Variants in PPIG observed in about 807,000 individuals in gnomAD.
PPIG encodes peptidylprolyl isomerase G, also known as peptidyl-prolyl cis-trans isomerase G.
Under a neutral mutation model 87.9 loss-of-function variants are expected in PPIG, and 26 were observed. The observed-to-expected ratio is 0.30, with a 90% CI of 0.22 to 0.41. The LOEUF (loss-of-function observed/expected upper bound fraction) is 0.41, where lower values mean the gene tolerates loss of function less well. Among genes scored for constraint, PPIG ranks in the 10% least tolerant of loss-of-function variants. PPIG has a pLI of 1.00. For synonymous variants in PPIG, 308 were observed against 276.5 expected (o/e 1.11, Z -1.13); for missense variants, 722 against 879.4 (o/e 0.82, Z 2.26).
intron 9 of PPIG, among the ~76,000 whole-genome samples, chr2:169,630,092 A>G (rs985929157): frequency 1.3e-5 from 2 of 150,658 alleles, no homozygotes; most frequent in Admixed American, 6.6e-5. Flanking sequence ...TTGTTATGTT[A>G]CACCTTCTAG....
chr2:169,630,876 C>T lies in PPIG; in HGVS notation c.650C>T (p.Ser217Phe), dbSNP rs1686029190. 6.2e-7 allele frequency: 1 copy of T among 1,612,250 alleles called. No individual in the cohort carries two copies. The highest frequency in any genetic ancestry group is 8.5e-7 in the Non-Finnish European group (1 of 1,179,288). The change falls in exon 10 of 14, where the codon TCT becomes TTT. Residue 217 changes from serine (S) to phenylalanine (F), a missense_variant. By Grantham distance (155) the Ser-to-Phe change is radical (BLOSUM62 -2). Around this residue, in one of 4 missense-constraint regions of PPIG, gnomAD observed 142 missense variants for 152.8 expected, o/e 0.93. Transcript: ENST00000260970. ...GATTCTCAGTCCTCTTCTGATTCCT[C>T]TGATTCCGAAAGTGCTACTGAAGAG... Reference protein sequence around the residue: ...SSDSQSSSDSSDSESATEEKS... With the variant: ...SSDSQSSSDSFDSESATEEKS...
At chr2:169,599,054 G>A (rs1685104791) in intron 1 of PPIG, among the ~76,000 whole-genome samples, 2 of 152,034 alleles carry the variant, frequency 1.3e-5, no homozygotes. Context: ...GTGTAAGGAT[G>A]TACATAAAGT....
intron 7 of PPIG, among the ~76,000 whole-genome samples, chr2:169,613,374 A>G (rs1364355379): frequency 2.0e-5 from 3 of 152,204 alleles, no homozygotes; most frequent in Non-Finnish European, 4.4e-5. Context: ...AAAGATTAGC[A>G]TAAATTATGC....
intron 1 of PPIG, among the ~76,000 whole-genome samples, chr2:169,588,109 G>T (rs1684756901): frequency 6.6e-6 from 1 of 151,722 alleles, no homozygotes; most frequent in African/African-American, 2.4e-5. Context: ...AGGTTGCAGT[G>T]ATCCGAGATC....
chr2:169,598,023 C>T (rs1336246238), intron 1 of PPIG, among the ~76,000 whole-genome samples: 3 of 144,878 alleles, frequency 2.1e-5, no homozygotes, highest in African/African-American at 7.6e-5. Flanking sequence ...TTTTTTGATA[C>T]AGGGTCCCAC....
chr2:169,606,236 C>G, intron 5 of PPIG, 90 bp downstream of exon 5: 2 of 890,070 alleles, frequency 2.2e-6, no homozygotes, highest in Admixed American at 4.1e-5. Context: ...GTCCAATATT[C>G]TTGTCACTCT....
chr2:169,619,065 T>G (rs1574456451), intron 9 of PPIG, among the ~76,000 whole-genome samples: 1 of 152,230 alleles, frequency 6.6e-6, no homozygotes, highest in Non-Finnish European at 1.5e-5. Flanking sequence ...TCCCAGAGAT[T>G]CTGGTACGTT....
intron 9 of PPIG, among the ~76,000 whole-genome samples, chr2:169,615,036 G>GT (rs376354668): frequency 0.029 from 4,281 of 147,204 alleles, 99 homozygotes; most frequent in African/African-American, 0.06. Context: ...GTGGTTTTGG[G>GT]TTTTTTTTTT....
At chr2:169,590,461 A>G (rs1472627486) in intron 1 of PPIG, among the ~76,000 whole-genome samples, 1 of 152,112 alleles carries the variant, frequency 6.6e-6, no homozygotes, top group African/African-American at 2.4e-5. Flanking sequence ...TAACACGGTG[A>G]AACCCCATCT....
chr2:169,614,321 A>AAT, intron 7 of PPIG, 143 bp from the exon 8 acceptor site: 1 of 727,802 alleles, frequency 1.4e-6, no homozygotes, highest in Non-Finnish European at 2.3e-6. Context: ...AGATTGAGGT[A>AAT]ATATGATTAT....
chr2:169,620,623 T>C (rs1402827562), intron 9 of PPIG, among the ~76,000 whole-genome samples: 2 of 152,168 alleles, frequency 1.3e-5, no homozygotes, highest in Non-Finnish European at 2.9e-5. Flanking sequence ...GAATAAATTA[T>C]TTTTTCTTTA....
At chr2:169,606,235 T>G in intron 5 of PPIG, 89 bp downstream of exon 5, 1 of 889,396 alleles carries the variant, frequency 1.1e-6, no homozygotes, top group Non-Finnish European at 1.8e-6. Flanking sequence ...AGTCCAATAT[T>G]CTTGTCACTC....
chr2:169,636,179 G>A lies in PPIG; in HGVS notation c.1105G>A (p.Ala369Thr), dbSNP rs1686177003. 6.2e-7 allele frequency: 1 copy of A among 1,612,938 alleles called. No homozygotes were observed. Among genetic ancestry groups the A allele is most frequent in the Non-Finnish European group, 8.5e-7 (1 of 1,179,664 alleles). The change falls in exon 13 of 14, where the codon GCT becomes ACT. Residue 369 changes from alanine to threonine, a missense_variant. This residue lies in a region of PPIG where 476 missense variants were observed against 483.1 expected (regional missense o/e 0.99). Transcript: ENST00000260970. ...ACATTGGAGGCAAGAGATGCAGAGA[G>A]CTCAAAGAATGAGGGTATCAAGTGG... ...PPHWRQEMQR[A>T]QRMRVSSGER...
intron 1 of PPIG, among the ~76,000 whole-genome samples, chr2:169,594,654 A>T (rs1257332908): frequency 1.5e-5 from 2 of 130,068 alleles, no homozygotes; most frequent in African/African-American, 6.0e-5. Flanking sequence ...TTTGAGACAG[A>T]GTCTCTGTCA....
At chr2:169,596,723 G>A (rs911854223) in intron 1 of PPIG, among the ~76,000 whole-genome samples, 6 of 151,800 alleles carry the variant, frequency 4.0e-5, no homozygotes, top group Admixed American at 6.6e-5. Context: ...TTTCTGAGAC[G>A]GAGTCTTACT....
intron 1 of PPIG, among the ~76,000 whole-genome samples, chr2:169,592,631 G>A (rs1025069612): frequency 3.3e-5 from 5 of 151,884 alleles, no homozygotes; most frequent in Non-Finnish European, 5.9e-5. Flanking sequence ...ATAGAGATGC[G>A]TTCTCATTAT....
intron 9 of PPIG, among the ~76,000 whole-genome samples, chr2:169,629,206 G>C (rs890049750): frequency 2.0e-5 from 3 of 152,020 alleles, no homozygotes; most frequent in African/African-American, 7.3e-5. Flanking sequence ...CTAGCTTCAG[G>C]AGTTTATTTA....
intron 4 of PPIG, among the ~76,000 whole-genome samples, chr2:169,605,063 G>T (rs1447881714): frequency 6.6e-6 from 1 of 152,156 alleles, no homozygotes; most frequent in Non-Finnish European, 1.5e-5. Context: ...GCCAGGCGTG[G>T]TGGCTCACGC....
At chr2:169,598,815 T>TACAGGTAAATATTTATATG (rs1325829692) in intron 1 of PPIG, among the ~76,000 whole-genome samples, 2 of 104,054 alleles carry the variant, frequency 1.9e-5, no homozygotes, top group African/African-American at 7.8e-5. Context: ...ATATTTATAT[T>TACAGGTAAATATTTATATG]TATATAAATA....
Sources: allele counts gnomAD v4.1 joint callset (sites outside exome capture counted in the v4.1 genomes callset), GRCh38; gene constraint gnomAD v4.1.1; regional missense constraint gnomAD v4.1.1; transcripts MANE v1.5; gene names NCBI Gene and HGNC (gene_info 2026-07-23, HGNC 2026-07-21).